The following SYNPR variants were observed in gnomAD, a reference collection of about 807,000 sequenced individuals.
SYNPR encodes synaptoporin.
A neutral mutation model predicts 32.9 loss-of-function variants in SYNPR; 23 were observed. The ratio of observed to expected loss-of-function variants is 0.70; its 90% CI spans 0.50 to 0.99. The LOEUF is 0.99. Among genes scored for constraint, SYNPR ranks in the 50% least tolerant of loss-of-function variants. The probability of loss-of-function intolerance (pLI) is 0.00; values close to 1 mark genes in which losing one functional copy is unlikely to be tolerated. For missense variants in SYNPR, 318 were observed against 349.3 expected, an observed-to-expected ratio of 0.91 and a Z score of 0.71; for synonymous variants, 146 against 135.9, an observed-to-expected ratio of 1.07 and a Z score of -0.52.
At chr3:63,402,152 C>A (rs973787891) in intron 2 of SYNPR, among the ~76,000 whole-genome samples, 4 of 152,150 alleles carry the variant, frequency 2.6e-5, no homozygotes, top group Non-Finnish European at 5.9e-5. Context: ...AAGACACTTT[C>A]TAGATCAGCC....
intron 2 of SYNPR, among the ~76,000 whole-genome samples, chr3:63,437,211 A>G (rs1455251802): frequency 6.6e-6 from 1 of 152,186 alleles, no homozygotes; most frequent in African/African-American, 2.4e-5. Flanking sequence ...TCTTTCCTCT[A>G]GAGACAAAAT....
intron 3 of SYNPR, among the ~76,000 whole-genome samples, chr3:63,539,597 C>T (rs1702264818): frequency 6.6e-6 from 1 of 152,036 alleles, no homozygotes; most frequent in Non-Finnish European, 1.5e-5. Flanking sequence ...TGAGTAACAA[C>T]TTTAAAAATG....
At chr3:63,354,901 T>C (rs1293057007) in intron 2 of SYNPR, among the ~76,000 whole-genome samples, 2 of 152,206 alleles carry the variant, frequency 1.3e-5, no homozygotes, top group African/African-American at 2.4e-5. Flanking sequence ...ATTTGATCTT[T>C]GTAGCAAAGC....
intron 2 of SYNPR, among the ~76,000 whole-genome samples, chr3:63,339,330 T>C (rs2087334535): frequency 6.6e-6 from 1 of 152,184 alleles, no homozygotes. Flanking sequence ...AATTAACAAA[T>C]TTTGTGGTGT....
At chr3:63,316,839 C>T (rs2087048105) in intron 2 of SYNPR, among the ~76,000 whole-genome samples, 1 of 151,776 alleles carries the variant, frequency 6.6e-6, no homozygotes, top group Non-Finnish European at 1.5e-5. Context: ...TCAGTTTGTG[C>T]TCTTTCAATC....
chr3:63,207,453 A>G, the SYNPR span, among the ~76,000 whole-genome samples: 1 of 152,208 alleles, frequency 6.6e-6, no homozygotes. Context: ...AGGGAAAATG[A>G]CTCATAGGAA....
chr3:63,207,155 T>C, the SYNPR span, among the ~76,000 whole-genome samples: 2 of 152,168 alleles, frequency 1.3e-5, no homozygotes. Flanking sequence ...TTATAGCTAG[T>C]AAAAGTGCAG....
chr3:63,603,670 A>G (rs1700076641), intron 4 of SYNPR, among the ~76,000 whole-genome samples: 1 of 152,222 alleles, frequency 6.6e-6, no homozygotes, highest in Admixed American at 6.5e-5. Context: ...ATGTAGCACC[A>G]ACCTTGCATC....
At chr3:63,421,499 TATA>T (rs1222196579) in intron 2 of SYNPR, among the ~76,000 whole-genome samples, 3 of 151,432 alleles carry the variant, frequency 2.0e-5, no homozygotes, top group South Asian at 2.1e-4. Context: ...AATATATATA[TATA>T]ATATTATTTC....
At chr3:63,243,547 T>C (rs199595741) in intron 1 of SYNPR, among the ~76,000 whole-genome samples, 4 of 152,200 alleles carry the variant, frequency 2.6e-5, no homozygotes, top group East Asian at 1.9e-4. Flanking sequence ...GTATTGAAAG[T>C]GGTGAGTCAT....
chr3:63,308,770 T>C (rs182958087), intron 2 of SYNPR, among the ~76,000 whole-genome samples: 1 of 152,108 alleles, frequency 6.6e-6, no homozygotes, highest in East Asian at 1.9e-4. Flanking sequence ...TTGAACAATT[T>C]AACTATGATG....
intron 3 of SYNPR, among the ~76,000 whole-genome samples, chr3:63,537,159 T>A (rs1271064349): frequency 6.6e-6 from 1 of 151,958 alleles, no homozygotes; most frequent in Non-Finnish European, 1.5e-5. Flanking sequence ...TAAAAAAAAA[T>A]TAGGGTCAGT....
At position 63,304,924 on chromosome 3, in the gene SYNPR, T is replaced by C. The variant is rs575467918; in HGVS notation, c.84+26182T>C. 2.3e-3 allele frequency among the ~76,000 whole-genome samples: 353 copies of C among 152,140 alleles called. 2 individuals carry two copies. Among genetic ancestry groups the C allele is most frequent in the African/African-American group, 7.8e-3 (325 of 41,546 alleles). On this transcript the variant is annotated intron_variant, in intron 2 of 5. Coordinates refer to ENST00000478300, the MANE Select transcript of SYNPR (RefSeq NM_001130003.2). ...TTCAAACAGATCTTGATTTCAGTCC[T>C]AGCTTGCCATATTACTTATAGAACA... is the stretch of plus-strand genomic sequence containing the variant.
intron 2 of SYNPR, among the ~76,000 whole-genome samples, chr3:63,417,335 G>C (rs1307305412): frequency 6.6e-6 from 1 of 152,230 alleles, no homozygotes; most frequent in African/African-American, 2.4e-5. Flanking sequence ...CTATGGTCTT[G>C]GGAAGCTCCG....
In SYNPR at chr3:63,507,238, G is replaced by A. The variant is rs1403398746; in HGVS notation, c.209+26282G>A. 4.4e-5 allele frequency among the ~76,000 whole-genome samples: 5 copies of A among 114,284 alleles called. No homozygotes were observed. In the East Asian group the frequency reaches 9.9e-4, roughly 23 times the overall value. 75.0% of individuals were successfully genotyped at this position (114,284 alleles called of 152,430 possible). ...TGCATAAAAAGTTTAAGGAGAAACT[G>A]GATATTTTAACCATATCTGCCCCAA... On this transcript the variant is annotated intron_variant, in intron 3 of 5. Coordinates refer to ENST00000478300, the MANE Select transcript of SYNPR (RefSeq NM_001130003.2).
At chr3:63,299,595 T>C (rs1396895280) in intron 2 of SYNPR, among the ~76,000 whole-genome samples, 3 of 152,142 alleles carry the variant, frequency 2.0e-5, no homozygotes, top group African/African-American at 7.2e-5. Flanking sequence ...TACAGCCAGA[T>C]ACAGGGAGAC....
intron 4 of SYNPR, among the ~76,000 whole-genome samples, chr3:63,608,910 A>G (rs1343517668): frequency 6.6e-6 from 1 of 152,184 alleles, no homozygotes; most frequent in Non-Finnish European, 1.5e-5. Flanking sequence ...GTAAGCATTT[A>G]ATAAATATTA....
chr3:63,381,503 C>G (rs1052898505), intron 2 of SYNPR, among the ~76,000 whole-genome samples: 2 of 152,200 alleles, frequency 1.3e-5, no homozygotes, highest in African/African-American at 4.8e-5. Flanking sequence ...GATTCAATGC[C>G]ATCCCCATCA....
intron 2 of SYNPR, among the ~76,000 whole-genome samples, chr3:63,393,974 T>C (rs1415788034): frequency 6.6e-6 from 1 of 152,228 alleles, no homozygotes; most frequent in East Asian, 1.9e-4. Flanking sequence ...GTTATTTACA[T>C]GCTGTACTCA....
Sources: gnomAD v4.1 joint callset for allele counts (sites outside exome capture counted in the v4.1 genomes callset) on GRCh38, gnomAD v4.1.1 for gene constraint, MANE v1.5 for transcripts, NCBI Gene and HGNC (gene_info 2026-07-23, HGNC 2026-07-21) for gene names.